CENPX: variants seen among roughly 807,000 people sequenced by gnomAD.
CENPX encodes the protein centromere protein X.
A neutral mutation model predicts 13.2 loss-of-function variants in CENPX; 13 were observed. The observed-to-expected ratio is 0.98, with a 90% CI of 0.64 to 1.56. The LOEUF (loss-of-function observed/expected upper bound fraction) is 1.56, where lower values mean the gene tolerates loss of function less well. Ranked by LOEUF, CENPX falls within the 40% of genes most tolerant of loss-of-function variation. CENPX has a pLI of 0.00. For missense variants in CENPX, 138 were observed against 107.5 expected (o/e 1.28, Z -1.26); for synonymous variants, 66 against 47.2 (o/e 1.40, Z -1.63).
At position 82,022,530 on chromosome 17, in the gene CENPX, CCT is replaced by C. The variant is rs1282855997; in HGVS notation, c.36+294_36+295del. ...GGCGCAGGGCGGCGGCCCAGCTCCT[CCT>C]CTCTCTTCGCCGGCTTGGACTCCGC... On this transcript the variant is annotated intron_variant, in intron 1 of 4. Transcript: ENST00000392359. 4 of 541,328 alleles carry C rather than the reference CCT, an allele frequency of 7.4e-6. No homozygotes were observed. The East Asian group carries it at 1.4e-4, about 19-fold the overall frequency. 33.5% of individuals were successfully genotyped at this position (541,328 alleles called of 1,614,324 possible).
intron 1 of CENPX, among the ~76,000 whole-genome samples, chr17:82,021,674 A>T (rs778391834): frequency 3.4e-4 from 52 of 152,148 alleles, no homozygotes; most frequent in Non-Finnish European, 6.6e-4. Context: ...CTCTGGCCAG[A>T]GCCCCTGGGC....
At chr17:82,019,769 T>A (rs1409351256) in intron 2 of CENPX, 75 bp from the exon 3 acceptor site, 9 of 1,551,732 alleles carry the variant, frequency 5.8e-6, no homozygotes, top group Non-Finnish European at 7.8e-6. Context: ...ACCCCCGCCC[T>A]CCCGAGGCCT....
chr17:82,020,159 CGT>C (rs1346758010), intron 1 of CENPX, among the ~76,000 whole-genome samples: 1 of 152,176 alleles, frequency 6.6e-6, no homozygotes, highest in East Asian at 1.9e-4. Context: ...CTCCCTACGG[CGT>C]GAGTGGTCGC....
rs1446258005 is a variant in CENPX, at chr17:82,022,840, A to G, written c.22T>C (p.Ser8Pro). 6 of 1,593,092 alleles carry G rather than the reference A, an allele frequency of 3.8e-6. No individual in the cohort carries two copies. The African/African-American group carries it at 5.4e-5, about 14-fold the overall frequency. Reference protein sequence around the residue: MEGAGAGSGFRKELVSRL... With the variant: MEGAGAGPGFRKELVSRL... ...CCGGCCCTCACCTTCCGGAAGCCGG[A>G]TCCAGCTCCTGCTCCCTCCATGACC... is the stretch of plus-strand genomic sequence containing the variant. The change falls in exon 1 of 5, where the codon TCC becomes CCC. Residue 8 changes from serine (S) to proline (P), a missense_variant. Coordinates refer to ENST00000392359, the MANE Select transcript of CENPX (RefSeq NM_001271006.2).
chr17:82,019,031 C>T lies in CENPX; in HGVS notation c.*174G>A, dbSNP rs147482770. On this transcript the variant is annotated 3_prime_UTR_variant, in exon 5 of 5. Transcript: ENST00000392359. ...ACTGGACACTCCAAGGCCCGCAGTG[C>T]ACTGCAGTCCTGCCCCTTCTGCACA... 2.1e-4 allele frequency: 203 copies of T among 965,868 alleles called. No homozygotes were observed. The African/African-American group carries it at 3.2e-3, about 15-fold the overall frequency. The allele number at this position is 965,868 out of a possible 1,614,324, so 59.8% of individuals were successfully genotyped here. A position where few individuals can be genotyped will look rare whatever the true frequency, so the allele number is the denominator to read the frequency against.
At chr17:82,021,247 G>A (rs918117719) in intron 1 of CENPX, among the ~76,000 whole-genome samples, 3 of 152,190 alleles carry the variant, frequency 2.0e-5, no homozygotes, top group Non-Finnish European at 2.9e-5. Flanking sequence ...CCAGCATCCC[G>A]GCTCGTCCTG....
chr17:82,020,827 G>A (rs1482924868), intron 1 of CENPX, among the ~76,000 whole-genome samples: 1 of 152,246 alleles, frequency 6.6e-6, no homozygotes, highest in Non-Finnish European at 1.5e-5. Context: ...GGACACAGGA[G>A]ATCAGTTTGG....
Position 82,019,901 on chromosome 17 carries a change from C to T in CENPX, c.45G>A (p.Val15=), listed in dbSNP as rs1217887338. The T allele has an allele frequency of 6.3e-7, 1 of 1,593,632 alleles. No individual in the cohort carries two copies. Among genetic ancestry groups the T allele is most frequent in the South Asian group, 1.1e-5 (1 of 89,666 alleles). The change falls in exon 2 of 5, where the codon GTG becomes GTA. Residue 15 remains valine (V), a synonymous_variant. Transcript: ENST00000392359. Reference sequence around the variant, plus strand: ...TGAAGTGCAGGTGCAGCAGCCTGCTCACCAGCTCCTAGAAGGGAGGGGGGT... The same window carrying T: ...TGAAGTGCAGGTGCAGCAGCCTGCTTACCAGCTCCTAGAAGGGAGGGGGGT... ...GAGSGFRKEL[V]SRLLHLHFKD... is the part of the protein sequence containing the mutation.
rs1185989252 is a variant in CENPX, at chr17:82,019,289, G to A, written c.231+4C>T. ...CACTTGCGCCCCGACCCACGCTCAC[G>A]CACCAGCTGCGGAAGCACCTTCTCC... is the stretch of plus-strand genomic sequence containing the variant. On this transcript the variant is annotated splice_donor_region_variant and intron_variant, in intron 4 of 4. Transcript: ENST00000392359. 3.8e-6 allele frequency: 6 copies of A among 1,595,684 alleles called. No individual in the cohort carries two copies. The highest frequency in any genetic ancestry group is 1.3e-5 in the African/African-American group (1 of 74,874).
At chr17:82,021,218 G>A (rs919228072) in intron 1 of CENPX, among the ~76,000 whole-genome samples, 1 of 151,922 alleles carries the variant, frequency 6.6e-6, no homozygotes, top group African/African-American at 2.4e-5. Context: ...GGGCAGCAGG[G>A]TCCAGCATCC....
intron 1 of CENPX, among the ~76,000 whole-genome samples, chr17:82,021,887 A>AC (rs1480222174): frequency 1.3e-5 from 2 of 150,466 alleles, no homozygotes; most frequent in African/African-American, 2.5e-5. Flanking sequence ...CCACACCGAC[A>AC]CCCCCCGCCC....
Position 82,022,759 on chromosome 17 carries a change from A to T in CENPX, c.36+67T>A, listed in dbSNP as rs1184142816. ...GCGCGGGGGCTGGCGTCTGGCCCTCACAGTGTCACGCGTGAGGTCGGGACG... is the reference window on the plus strand; with the variant it reads ...GCGCGGGGGCTGGCGTCTGGCCCTCTCAGTGTCACGCGTGAGGTCGGGACG... On this transcript the variant is annotated intron_variant, in intron 1 of 4. Transcript: ENST00000392359. 33 of 1,519,790 alleles carry T rather than the reference A, an allele frequency of 2.2e-5. No individual in the cohort carries two copies. In the African/African-American group the frequency reaches 4.3e-4, roughly 20 times the overall value. 94.1% of individuals were successfully genotyped at this position (1,519,790 alleles called of 1,614,324 possible).
chr17:82,022,823 C>T lies in CENPX; in HGVS notation c.36+3G>A, dbSNP rs2043314286. On this transcript the variant is annotated splice_donor_region_variant and intron_variant, in intron 1 of 4. Transcript: ENST00000392359. Reference sequence around the variant, plus strand: ...TGCCTAGCCCCTGCCCTCCGGCCCTCACCTTCCGGAAGCCGGATCCAGCTC... The same window carrying T: ...TGCCTAGCCCCTGCCCTCCGGCCCTTACCTTCCGGAAGCCGGATCCAGCTC... The T allele has an allele frequency of 4.4e-6, 7 of 1,588,034 alleles. No homozygotes were observed. The highest frequency in any genetic ancestry group is 6.0e-6 in the Non-Finnish European group (7 of 1,170,044).
In CENPX at chr17:82,021,607, G is replaced by A. The variant is rs553138519; in HGVS notation, c.36+1219C>T. Among the ~76,000 whole-genome samples, 28 of 152,316 alleles carry A rather than the reference G, an allele frequency of 1.8e-4. 1 individual carries two copies. The highest frequency in any genetic ancestry group is 7.7e-4 in the East Asian group (4 of 5,180). On this transcript the variant is annotated intron_variant, in intron 1 of 4. Coordinates refer to ENST00000392359, the MANE Select transcript of CENPX (RefSeq NM_001271006.2). Reference sequence around the variant, plus strand: ...GACGTGGGCGCCACGCCAGGGCTACGGGCCCCCCACTCCCCGTCATTCTCA... The same window carrying A: ...GACGTGGGCGCCACGCCAGGGCTACAGGCCCCCCACTCCCCGTCATTCTCA...
rs1568007826 is a variant in CENPX, at chr17:82,019,622, GCGTGGGCCCTGGGCTCAC to G, written c.142+1_142+18del. On this transcript the variant is annotated splice_donor_variant and splice_donor_5th_base_variant and intron_variant, in intron 3 of 4. Transcript: ENST00000392359. LOFTEE classifies it high-confidence loss of function. Reference sequence around the variant, plus strand: ...ATTCCGGATGCTGTGCCCGGAGGGAGCGTGGGCCCTGGGCTCACCCACAACGAAGACCTTCAGCAACTC... The same window carrying G: ...ATTCCGGATGCTGTGCCCGGAGGGAGCCACAACGAAGACCTTCAGCAACTC... 1 of 1,550,292 alleles carries G rather than the reference GCGTGGGCCCTGGGCTCAC, an allele frequency of 6.5e-7. No individual in the cohort carries two copies. The highest frequency in any genetic ancestry group is 8.7e-7 in the Non-Finnish European group (1 of 1,146,950).
chr17:82,019,190 C>G lies in CENPX; in HGVS notation c.*15G>C. The G allele has an allele frequency of 1.3e-6, 2 of 1,556,602 alleles. No homozygotes were observed. The highest frequency in any genetic ancestry group is 2.7e-5 in the African/African-American group (2 of 73,484). ...GGGGCTCCTCTGGGGGTGGCCTCAG[C>G]CACGGCTGAGATCCCTAGAAGTCCA... On this transcript the variant is annotated 3_prime_UTR_variant, in exon 5 of 5. Transcript: ENST00000392359.
At position 82,018,739 on chromosome 17, in the gene CENPX, T is replaced by C. The variant is rs2043214267; in HGVS notation, c.*466A>G. On this transcript the variant is annotated 3_prime_UTR_variant, in exon 5 of 5. Coordinates refer to ENST00000392359, the MANE Select transcript of CENPX (RefSeq NM_001271006.2). ...GTTTTGATTTATTGATGTTGCTTTG[T>C]GAGAACAAATTTATAGCCTGGGGAA... 2 of 251,662 alleles carry C rather than the reference T, an allele frequency of 7.9e-6. No individual in the cohort carries two copies. Among genetic ancestry groups the C allele is most frequent in the Non-Finnish European group, 1.5e-5 (2 of 131,550 alleles). 15.6% of individuals were successfully genotyped at this position (251,662 alleles called of 1,614,324 possible). A position where few individuals can be genotyped will look rare whatever the true frequency, so the allele number is the denominator to read the frequency against.
intron 1 of CENPX, among the ~76,000 whole-genome samples, chr17:82,022,146 G>A (rs904828941): frequency 2.0e-5 from 3 of 152,188 alleles, no homozygotes; most frequent in Non-Finnish European, 4.4e-5. Flanking sequence ...CTCTGCACAT[G>A]GCACCCCCAG....
At chr17:82,021,260 C>T (rs2043276758) in intron 1 of CENPX, among the ~76,000 whole-genome samples, 1 of 152,236 alleles carries the variant, frequency 6.6e-6, no homozygotes, top group Non-Finnish European at 1.5e-5. Flanking sequence ...TCGTCCTGAG[C>T]CCTTGCTGTT....
Sources: gnomAD v4.1 joint callset for allele counts (sites outside exome capture counted in the v4.1 genomes callset) on GRCh38, gnomAD v4.1.1 for gene constraint, MANE v1.5 for transcripts, NCBI Gene and HGNC (gene_info 2026-07-23, HGNC 2026-07-21) for gene names.